The following NTM variants were observed in gnomAD, a reference collection of about 807,000 sequenced individuals.
The protein encoded by NTM is IgLON family member 2.
Under a neutral mutation model 42.1 loss-of-function variants are expected in NTM, and 13 were observed. The observed-to-expected ratio is 0.31, with a 90% CI of 0.20 to 0.49. NTM has a LOEUF of 0.49. Ranked by LOEUF, NTM falls within the 20% of genes least tolerant of loss-of-function variation. NTM has a pLI of 0.99. For synonymous variants in NTM, 187 were observed against 179.2 expected, an observed-to-expected ratio of 1.04 and a Z score of -0.35; for missense variants, 373 against 452.8, an observed-to-expected ratio of 0.82 and a Z score of 1.60.
chr11:131,395,487 C>A (rs901151597), intron 1 of NTM, among the ~76,000 whole-genome samples: 1 of 152,114 alleles, frequency 6.6e-6, no homozygotes. Context: ...TTCCTTTCTT[C>A]TTCTCTTTCT....
chr11:131,963,965 C>A (rs868024579), intron 2 of NTM, among the ~76,000 whole-genome samples: 9 of 152,172 alleles, frequency 5.9e-5, no homozygotes, highest in African/African-American at 9.7e-5. Flanking sequence ...CTTAGTATAA[C>A]TAAGTACGCT....
At chr11:131,864,681 G>T (rs1397699211) in intron 1 of NTM, among the ~76,000 whole-genome samples, 1 of 152,198 alleles carries the variant, frequency 6.6e-6, no homozygotes, top group Non-Finnish European at 1.5e-5. Flanking sequence ...TTTTGGTTTT[G>T]ATATAGTCGG....
At chr11:132,318,921 T>C (rs953825564) in intron 7 of NTM, among the ~76,000 whole-genome samples, 1 of 152,172 alleles carries the variant, frequency 6.6e-6, no homozygotes, top group Non-Finnish European at 1.5e-5. Flanking sequence ...AGTACCTTTT[T>C]ATCATGGAAA....
intron 2 of NTM, among the ~76,000 whole-genome samples, chr11:131,995,745 G>A (rs1012080832): frequency 6.6e-6 from 1 of 152,014 alleles, no homozygotes; most frequent in Non-Finnish European, 1.5e-5. Flanking sequence ...AACAAAGACG[G>A]CTTTATTCAG....
chr11:131,598,180 A>G (rs903342174), intron 1 of NTM, among the ~76,000 whole-genome samples: 1 of 124,040 alleles, frequency 8.1e-6, no homozygotes. Flanking sequence ...AGTTTATCAG[A>G]GGTGGGAGAA....
At chr11:132,242,165 T>G (rs2090320667) in intron 4 of NTM, among the ~76,000 whole-genome samples, 1 of 152,186 alleles carries the variant, frequency 6.6e-6, no homozygotes, top group South Asian at 2.1e-4. Context: ...TAGCCTCAGA[T>G]CAACTAGTGG....
chr11:132,203,898 C>CA (rs1239168618), intron 3 of NTM, among the ~76,000 whole-genome samples: 1 of 124,786 alleles, frequency 8.0e-6, no homozygotes, highest in Admixed American at 8.8e-5. Context: ...GACTCCATCT[C>CA]AAAAAACAAA....
chr11:131,425,579 T>A (rs779907000), intron 1 of NTM, among the ~76,000 whole-genome samples: 38 of 152,170 alleles, frequency 2.5e-4, no homozygotes, highest in Non-Finnish European at 4.8e-4. Flanking sequence ...CACAGCCAAG[T>A]TCATGGTTTC....
intron 2 of NTM, among the ~76,000 whole-genome samples, chr11:132,022,296 A>T (rs963362616): frequency 1.3e-5 from 2 of 152,264 alleles, no homozygotes; most frequent in African/African-American, 4.8e-5. Context: ...GATTTTGTCA[A>T]TTTTGCTCGA....
At chr11:132,211,986 G>C in intron 3 of NTM, 36 bp from the exon 4 acceptor site, 1 of 1,596,878 alleles carries the variant, frequency 6.3e-7, no homozygotes, top group Non-Finnish European at 8.5e-7. Context: ...AATGTTTCAG[G>C]AGGATTTTTA....
intron 1 of NTM, among the ~76,000 whole-genome samples, chr11:131,408,309 CG>C (rs1565471852): frequency 6.6e-6 from 1 of 152,098 alleles, no homozygotes; most frequent in Non-Finnish European, 1.5e-5. Flanking sequence ...AAGAAGCTTA[CG>C]TAAGTTAGAA....
At chr11:131,487,352 T>G (rs1467187517) in intron 1 of NTM, among the ~76,000 whole-genome samples, 2 of 152,226 alleles carry the variant, frequency 1.3e-5, no homozygotes, top group Non-Finnish European at 2.9e-5. Flanking sequence ...TAATGAATAC[T>G]GGATGCCCCA....
chr11:132,116,590 T>G (rs1303685665), intron 2 of NTM, among the ~76,000 whole-genome samples: 1 of 152,152 alleles, frequency 6.6e-6, no homozygotes, highest in Non-Finnish European at 1.5e-5. Context: ...TAGGGTGTCC[T>G]TAACATCATT....
rs1279019080 is a variant in NTM at position 131,706,321 on chromosome 11, G to A, written c.83-205243G>A. Reference sequence around the variant, plus strand: ...AAATATGGATGTACCCAGTATTGGAGCACCTAGATACATAAACATTAACAA... The same window carrying A: ...AAATATGGATGTACCCAGTATTGGAACACCTAGATACATAAACATTAACAA... On this transcript the variant is annotated intron_variant, in intron 1 of 8. Coordinates refer to ENST00000683400, the MANE Select transcript of NTM (RefSeq NM_001352005.2). Among the ~76,000 whole-genome samples the A allele has an allele frequency of 2.0e-5, 3 of 151,952 alleles. No homozygotes were observed. The East Asian group carries it at 5.8e-4, about 29-fold the overall frequency.
intron 1 of NTM, among the ~76,000 whole-genome samples, chr11:131,762,618 G>A (rs189556377): frequency 1.0e-3 from 157 of 152,330 alleles, no homozygotes; most frequent in Non-Finnish European, 2.0e-3. Context: ...CTTCCTTGGC[G>A]TGGGCCTCTC....
intron 1 of NTM, among the ~76,000 whole-genome samples, chr11:131,733,054 A>G (rs2079902411): frequency 6.6e-6 from 1 of 152,230 alleles, no homozygotes. Context: ...GTTGATCATT[A>G]AGATAATTTC....
chr11:131,688,815 G>A (rs929803291), intron 1 of NTM, among the ~76,000 whole-genome samples: 3 of 152,144 alleles, frequency 2.0e-5, no homozygotes, highest in Admixed American at 6.5e-5. Flanking sequence ...CAGAAACTAG[G>A]ACCCTCAGAA....
chr11:132,200,310 G>C (rs1046343151), intron 3 of NTM, among the ~76,000 whole-genome samples: 1 of 152,168 alleles, frequency 6.6e-6, no homozygotes, highest in Non-Finnish European at 1.5e-5. Context: ...GTCACAAGGA[G>C]TGTGGGAACA....
intron 2 of NTM, among the ~76,000 whole-genome samples, chr11:131,956,690 A>G (rs900781848): frequency 1.3e-5 from 2 of 150,710 alleles, no homozygotes; most frequent in Admixed American, 1.3e-4. Flanking sequence ...TTTGCCCACA[A>G]TTCCACTCAC....
Sources: allele counts gnomAD v4.1 joint callset (sites outside exome capture counted in the v4.1 genomes callset), GRCh38; gene constraint gnomAD v4.1.1; transcripts MANE v1.5; gene names NCBI Gene and HGNC (gene_info 2026-07-23, HGNC 2026-07-21).